Variants in ABL2 observed in about 807,000 individuals in gnomAD.
ABL2 encodes tyrosine-protein kinase ABL2.
A neutral mutation model predicts 107.7 loss-of-function variants in ABL2; 49 were observed. That is an observed-to-expected ratio of 0.45 (90% confidence interval 0.36 to 0.58). The LOEUF (loss-of-function observed/expected upper bound fraction) is 0.58, where lower values mean the gene tolerates loss of function less well. Ranked by LOEUF, ABL2 falls within the 20% of genes least tolerant of loss-of-function variation. The probability of loss-of-function intolerance (pLI) is 0.00; values close to 1 mark genes in which losing one functional copy is unlikely to be tolerated. For synonymous variants in ABL2, 549 were observed against 548.6 expected, an observed-to-expected ratio of 1.00 and a Z score of -0.01; for missense variants, 1,245 against 1,457.0, an observed-to-expected ratio of 0.85 and a Z score of 2.37.
chr1:179,208,537 C>T (rs1662104214), intron 1 of ABL2, among the ~76,000 whole-genome samples: 2 of 152,130 alleles, frequency 1.3e-5, no homozygotes, highest in Admixed American at 1.3e-4. Context: ...ATCATATTAT[C>T]ATGAAGGCTT....
rs1299696915 is a variant in ABL2 at position 179,207,025 on chromosome 1, C to T, written c.157+22216G>A. ...AATATGCAGTCTTAATTTCTAATAGCTTGCCAGCTCCAGTTTCCAACAGGC... is the reference window on the plus strand; with the variant it reads ...AATATGCAGTCTTAATTTCTAATAGTTTGCCAGCTCCAGTTTCCAACAGGC... On this transcript the variant is annotated intron_variant, in intron 1 of 11. Transcript: ENST00000502732. Among the ~76,000 whole-genome samples the T allele has an allele frequency of 2.6e-5, 4 of 152,166 alleles. No homozygotes were observed. The East Asian group carries it at 7.7e-4, about 29-fold the overall frequency.
intron 1 of ABL2, among the ~76,000 whole-genome samples, chr1:179,217,709 A>G (rs1662648117): frequency 6.6e-6 from 1 of 152,186 alleles, no homozygotes; most frequent in African/African-American, 2.4e-5. Context: ...TGAGATTCCA[A>G]ATGGTATGGT....
intron 2 of ABL2, among the ~76,000 whole-genome samples, chr1:179,132,901 C>T (rs1480478219): frequency 6.6e-6 from 1 of 151,388 alleles, no homozygotes; most frequent in African/African-American, 2.4e-5. Context: ...TTTTGTTGCC[C>T]AGGCTGGAGT....
At chr1:179,134,216 T>A (rs1017257861) in intron 1 of ABL2, among the ~76,000 whole-genome samples, 9 of 152,150 alleles carry the variant, frequency 5.9e-5, no homozygotes, top group African/African-American at 2.2e-4. Flanking sequence ...GGAAACAACA[T>A]GTATCTTAAT....
intron 1 of ABL2, among the ~76,000 whole-genome samples, chr1:179,191,370 T>C (rs750453074): frequency 1.3e-5 from 2 of 151,936 alleles, no homozygotes; most frequent in Non-Finnish European, 2.9e-5. Flanking sequence ...TTATTAGATG[T>C]TGTATGATAG....
At chr1:179,175,956 A>G (rs1002362225) in intron 1 of ABL2, among the ~76,000 whole-genome samples, 1 of 151,632 alleles carries the variant, frequency 6.6e-6, no homozygotes, top group Non-Finnish European at 1.5e-5. Context: ...CCCGGGCTCA[A>G]GCAATTCTCC....
chr1:179,229,177 A>AACCC, intron 1 of ABL2, 64 bp downstream of exon 1: 1 of 198,888 alleles, frequency 5.0e-6, no homozygotes, highest in South Asian at 6.1e-5. Context: ...TCCGCCACCC[A>AACCC]CCCCGCCCCG....
At chr1:179,187,023 C>T (rs1017301971) in intron 1 of ABL2, among the ~76,000 whole-genome samples, 2 of 152,214 alleles carry the variant, frequency 1.3e-5, no homozygotes, top group African/African-American at 2.4e-5. Context: ...TGAGCCACCA[C>T]GCCCGGCCCC....
intron 1 of ABL2, 111 bp from the exon 2 acceptor site, chr1:179,133,485 T>C: frequency 6.5e-7 from 1 of 1,545,390 alleles, no homozygotes; most frequent in Non-Finnish European, 8.8e-7. Context: ...TGATCAGGTC[T>C]CTACCTACTT....
intron 1 of ABL2, among the ~76,000 whole-genome samples, chr1:179,169,907 T>C (rs1016110414): frequency 1.3e-5 from 2 of 152,046 alleles, no homozygotes; most frequent in African/African-American, 4.8e-5. Context: ...CATGTGCCTA[T>C]AGTCCCAGCT....
intron 1 of ABL2, among the ~76,000 whole-genome samples, chr1:179,139,075 C>T (rs1657321395): frequency 6.6e-6 from 1 of 152,242 alleles, no homozygotes; most frequent in Non-Finnish European, 1.5e-5. Context: ...GCCTTAGCTG[C>T]CTTCCCGCGG....
Position 179,109,106 on chromosome 1 carries a change from T to A in ABL2, c.2161A>T (p.Ser721Cys), listed in dbSNP as rs747909081. 2 of 1,464,858 alleles carry A rather than the reference T, an allele frequency of 1.4e-6. No individual in the cohort carries two copies. Among genetic ancestry groups the A allele is most frequent in the South Asian group, 2.3e-5 (2 of 88,620 alleles). 90.7% of individuals were successfully genotyped at this position (1,464,858 alleles called of 1,614,324 possible). A position where few individuals can be genotyped will look rare whatever the true frequency, so the allele number is the denominator to read the frequency against. The change falls in exon 12 of 12, where the codon AGC becomes TGC. Residue 721 changes from serine to cysteine, a missense_variant. Physicochemically the swap from Ser to Cys is moderately radical, Grantham distance 112 (BLOSUM62 -1). Around this residue, in one of 3 missense-constraint regions of ABL2, gnomAD observed 761 missense variants for 766.4 expected, o/e 0.99. Coordinates refer to ENST00000502732, the MANE Select transcript of ABL2 (RefSeq NM_007314.4). The part of the protein sequence containing the change: ...NLVPPKCYGG[S>C]FAQRNLCNDD... ...TTACAGAGGTTCCTCTGTGCAAAGC[T>A]CCCCCCATAGCACTTGGGTGGCACC...
In ABL2 at chr1:179,118,706, A is replaced by G. The variant is rs753970250; in HGVS notation, c.1104T>C (p.Asn368=). Residue 368 remains asparagine (N), a synonymous_variant, in exon 7 of 12, where the codon AAT becomes AAC. Transcript: ENST00000502732. ...TGCATTCTCGGAGGTAATCCAGCAAATTCCCGTATGGCATGTATTCAGTCA... is the reference window on the plus strand; with the variant it reads ...TGCATTCTCGGAGGTAATCCAGCAAGTTCCCGTATGGCATGTATTCAGTCA... The part of the protein sequence containing the change: ...YIVTEYMPYG[N]LLDYLRECNR... 2 of 1,614,126 alleles carry G rather than the reference A, an allele frequency of 1.2e-6. No individual in the cohort carries two copies. Among genetic ancestry groups the G allele is most frequent in the East Asian group, 4.5e-5 (2 of 44,880 alleles).
intron 1 of ABL2, among the ~76,000 whole-genome samples, chr1:179,195,971 T>TG (rs1661285991): frequency 6.6e-6 from 1 of 152,162 alleles, no homozygotes; most frequent in African/African-American, 2.4e-5. Context: ...TGGTCATGTA[T>TG]GGTTATATGG....
intron 4 of ABL2, among the ~76,000 whole-genome samples, chr1:179,124,061 G>A (rs1224052712): frequency 2.0e-5 from 3 of 152,014 alleles, no homozygotes; most frequent in Admixed American, 6.6e-5. Flanking sequence ...CTATCATGGT[G>A]AAACACCGTC....
intron 1 of ABL2, among the ~76,000 whole-genome samples, chr1:179,227,841 A>G (rs1436235837): frequency 6.6e-6 from 1 of 151,662 alleles, no homozygotes; most frequent in East Asian, 1.9e-4. Context: ...TCATGAGGTC[A>G]GGCGTTCGAG....
chr1:179,228,385 CAAAA>C (rs1205230035), intron 1 of ABL2, among the ~76,000 whole-genome samples: 3 of 151,792 alleles, frequency 2.0e-5, no homozygotes, highest in Non-Finnish European at 2.9e-5. Flanking sequence ...AAAAACAAGA[CAAAA>C]AAAGTTTGGA....
chr1:179,154,353 C>T (rs941718150), intron 1 of ABL2, among the ~76,000 whole-genome samples: 1 of 152,194 alleles, frequency 6.6e-6, no homozygotes, highest in African/African-American at 2.4e-5. Context: ...CTCTCCTCAC[C>T]CAGCTCTTCA....
At chr1:179,140,232 G>A (rs901735491) in intron 1 of ABL2, among the ~76,000 whole-genome samples, 2 of 152,144 alleles carry the variant, frequency 1.3e-5, no homozygotes, top group African/African-American at 2.4e-5. Flanking sequence ...TGACATCAAT[G>A]CTATTGCTTG....
Sources: gnomAD v4.1 joint callset for allele counts (sites outside exome capture counted in the v4.1 genomes callset) on GRCh38, gnomAD v4.1.1 for gene constraint, gnomAD v4.1.1 regional missense constraint, MANE v1.5 for transcripts, NCBI Gene and HGNC (gene_info 2026-07-23, HGNC 2026-07-21) for gene names.